Variants in DCUN1D5 observed in about 807,000 individuals in gnomAD.
The protein encoded by DCUN1D5 is DCN1-like protein 5.
Under a neutral mutation model 38.3 loss-of-function variants are expected in DCUN1D5, and 10 were observed. The observed-to-expected ratio is 0.26, with a 90% confidence interval of 0.16 to 0.44. The LOEUF (loss-of-function observed/expected upper bound fraction) is 0.44, where lower values mean the gene tolerates loss of function less well. Among genes scored for constraint, DCUN1D5 ranks in the 20% least tolerant of loss-of-function variants. The pLI, the probability that DCUN1D5 is intolerant of heterozygous loss-of-function variation, is 1.00. For synonymous variants in DCUN1D5, 93 were observed against 90.9 expected, an observed-to-expected ratio of 1.02 and a Z score of -0.13; for missense variants, 148 against 275.3, an observed-to-expected ratio of 0.54 and a Z score of 3.27.
In DCUN1D5 at chr11:103,064,458, GT is replaced by G. The variant is rs578114119; in HGVS notation, c.556-82del. 1.5e-3 allele frequency: 1,704 copies of G among 1,102,718 alleles called. 2 individuals carry two copies. The highest frequency in any genetic ancestry group is 1.8e-3 in the Non-Finnish European group (1,486 of 805,938). 68.3% of individuals were successfully genotyped at this position (1,102,718 alleles called of 1,614,324 possible). A position where few individuals can be genotyped will look rare whatever the true frequency, so the allele number is the denominator to read the frequency against. On this transcript the variant is annotated intron_variant, in intron 6 of 7. Transcript: ENST00000260247. This position sits in a 1 kb window ranked among gnomAD's most constrained non-coding sequence, Gnocchi z 4.5. The stretch of plus-strand genomic sequence containing the variant: ...CAATTTAGTAAACTAAGTTTTAACT[GT>G]TTTTGTGATTTGGTTTTTTCTAAAA...
rs1378386841 is a variant in DCUN1D5, at chr11:103,065,530, AG to A, written c.555+738del. 7.2e-5 allele frequency among the ~76,000 whole-genome samples: 11 copies of A among 152,198 alleles called. No homozygotes were observed. ...GCAGCTATAAGCAATGTGCTTTATG[AG>A]AAATTATTTCCAAAGGAAAAAGCAT... is the stretch of plus-strand genomic sequence containing the variant. On this transcript the variant is annotated intron_variant, in intron 6 of 7. Transcript: ENST00000260247. This position sits in a 1 kb window ranked among gnomAD's most constrained non-coding sequence, Gnocchi z 4.6.
In DCUN1D5 at chr11:103,082,625, T is replaced by C. The variant is rs1255915768; in HGVS notation, c.341+123A>G. 4 of 676,288 alleles carry C rather than the reference T, an allele frequency of 5.9e-6. No individual in the cohort carries two copies. The South Asian group carries it at 5.9e-5, about 10-fold the overall frequency. The allele number at this position is 676,288 out of a possible 1,614,324, so 41.9% of individuals were successfully genotyped here. On this transcript the variant is annotated intron_variant, in intron 4 of 7. Coordinates refer to ENST00000260247, the MANE Select transcript of DCUN1D5 (RefSeq NM_032299.4). ...ATAATTTTTTCAATCCCCAAACTAA[T>C]TGTTATAGATCAAACAGATTTGATT...
rs568295924 is a variant in DCUN1D5, at chr11:103,077,547, G to A, written c.341+5201C>T. Among the ~76,000 whole-genome samples, 21 of 152,332 alleles carry A rather than the reference G, an allele frequency of 1.4e-4. No individual in the cohort carries two copies. Among genetic ancestry groups the A allele is most frequent in the South Asian group, 6.2e-4 (3 of 4,822 alleles). On this transcript the variant is annotated intron_variant, in intron 4 of 7. Transcript: ENST00000260247. The surrounding 1 kb of genome is among the most constrained non-coding windows in gnomAD (Gnocchi z 4.3). ...AAGGCCACTGTAGTTAGAAAGAGAA[G>A]AAATGGGTATTAATTTCAACGTTAG...
In DCUN1D5 at chr11:103,055,001, C is replaced by T. The variant is rs546418310; in HGVS notation, c.*7358G>A. 6.6e-6 allele frequency: 1 copy of T among 151,916 alleles called. No individual in the cohort carries two copies. The highest frequency in any genetic ancestry group is 2.1e-4 in the South Asian group (1 of 4,804). The allele number at this position is 151,916 out of a possible 1,614,324, so 9.4% of individuals were successfully genotyped here. On this transcript the variant is annotated 3_prime_UTR_variant, in exon 8 of 8. Coordinates refer to ENST00000260247, the MANE Select transcript of DCUN1D5 (RefSeq NM_032299.4). Reference sequence around the variant, plus strand: ...TTGGGACCGGAAGTGTTTTAGATTTCTTTTTTTTGATCTTTGAATATTTGC... The same window carrying T: ...TTGGGACCGGAAGTGTTTTAGATTTTTTTTTTTTGATCTTTGAATATTTGC...
chr11:103,080,747 A>C (rs1862539012), intron 4 of DCUN1D5, among the ~76,000 whole-genome samples: 1 of 152,192 alleles, frequency 6.6e-6, no homozygotes, highest in Admixed American at 6.5e-5. Flanking sequence ...TGTGGCTCAC[A>C]CCTGCAATCC....
intron 4 of DCUN1D5, among the ~76,000 whole-genome samples, chr11:103,070,753 G>A (rs1230614038): frequency 1.3e-5 from 2 of 151,982 alleles, no homozygotes; most frequent in African/African-American, 2.4e-5. Context: ...TACTCCATTC[G>A]AAGACAACAG....
rs1055970676 is a variant in DCUN1D5, at chr11:103,057,698, T to A, written c.*4661A>T. On this transcript the variant is annotated 3_prime_UTR_variant, in exon 8 of 8. Coordinates refer to ENST00000260247, the MANE Select transcript of DCUN1D5 (RefSeq NM_032299.4). This position sits in a 1 kb window ranked among gnomAD's most constrained non-coding sequence, Gnocchi z 4.8. ...CCGCACCACTGCACTCCATCCTGGG[T>A]GACAGAGTAAGACCCTGTCTCCAAA... Among the ~76,000 whole-genome samples, 3 of 151,612 alleles carry A rather than the reference T, an allele frequency of 2.0e-5. No homozygotes were observed. Among genetic ancestry groups the A allele is most frequent in the African/African-American group, 7.3e-5 (3 of 41,210 alleles).
In DCUN1D5 at chr11:103,083,389, T is replaced by C; in HGVS notation, c.179-63A>G. On this transcript the variant is annotated intron_variant, in intron 2 of 7. Transcript: ENST00000260247. This position sits in a 1 kb window ranked among gnomAD's most constrained non-coding sequence, Gnocchi z 4.4. ...TATCAACATAAAACATAAATCGTCA[T>C]GCTAAAGGTACCCATGAACACACCA... 2 of 933,404 alleles carry C rather than the reference T, an allele frequency of 2.1e-6. No homozygotes were observed. Among genetic ancestry groups the C allele is most frequent in the Non-Finnish European group, 3.5e-6 (2 of 578,048 alleles). 57.8% of individuals were successfully genotyped at this position (933,404 alleles called of 1,614,324 possible).
rs751133556 is a variant in DCUN1D5, at chr11:103,086,125, T to C, written c.179-2799A>G. 2.0e-5 allele frequency among the ~76,000 whole-genome samples: 3 copies of C among 152,082 alleles called. No individual in the cohort carries two copies. Among genetic ancestry groups the C allele is most frequent in the Non-Finnish European group, 4.4e-5 (3 of 68,012 alleles). ...ATTTCTTTATAACCATAAAGGAATG[T>C]TCCTAGCTATATCTGCAAGGCCTAA... is the stretch of plus-strand genomic sequence containing the variant. On this transcript the variant is annotated intron_variant, in intron 2 of 7. Transcript: ENST00000260247. The surrounding 1 kb of genome is among the most constrained non-coding windows in gnomAD (Gnocchi z 4.1).
intron 4 of DCUN1D5, among the ~76,000 whole-genome samples, chr11:103,069,934 A>T (rs1021147726): frequency 3.9e-5 from 6 of 152,202 alleles, no homozygotes; most frequent in Non-Finnish European, 7.3e-5. Flanking sequence ...GTTTCAATTT[A>T]AAAAATCACT....
At position 103,052,841 on chromosome 11, in the gene DCUN1D5, A is replaced by C. The variant is rs1861777741; in HGVS notation, c.*9518T>G. The C allele has an allele frequency of 6.6e-6, 1 of 152,130 alleles. No homozygotes were observed. The highest frequency in any genetic ancestry group is 1.5e-5 in the Non-Finnish European group (1 of 68,012). 9.4% of individuals were successfully genotyped at this position (152,130 alleles called of 1,614,324 possible). A position where few individuals can be genotyped will look rare whatever the true frequency, so the allele number is the denominator to read the frequency against. ...TCCTAAATAGAAATTCAGTTTTCTC[A>C]CTCTATTACTTTGTTCACATGTTTG... On this transcript the variant is annotated 3_prime_UTR_variant, in exon 8 of 8. Coordinates refer to ENST00000260247, the MANE Select transcript of DCUN1D5 (RefSeq NM_032299.4).
intron 2 of DCUN1D5, among the ~76,000 whole-genome samples, chr11:103,085,473 G>GC (rs1029851572): frequency 7.9e-5 from 12 of 151,966 alleles, no homozygotes; most frequent in African/African-American, 2.7e-4. Flanking sequence ...TATCAGTATA[G>GC]CCCCCCTAGA....
At position 103,060,326 on chromosome 11, in the gene DCUN1D5, TTTGGATAAGTA is replaced by T. The variant is rs1861982491; in HGVS notation, c.*2022_*2032del. Among the ~76,000 whole-genome samples the T allele has an allele frequency of 1.3e-5, 2 of 152,178 alleles. No homozygotes were observed. The highest frequency in any genetic ancestry group is 2.9e-5 in the Non-Finnish European group (2 of 68,016). On this transcript the variant is annotated 3_prime_UTR_variant, in exon 8 of 8. Transcript: ENST00000260247. ...AGACTCAAAAAGTCTTAAAGGTATCTTTGGATAAGTATGCAAAGTAAATACTGTTGACCCTT... is the reference window on the plus strand; with the variant it reads ...AGACTCAAAAAGTCTTAAAGGTATCTTGCAAAGTAAATACTGTTGACCCTT...
In DCUN1D5 at chr11:103,086,572, C is replaced by T. The variant is rs1862713426; in HGVS notation, c.178+2655G>A. 6.6e-6 allele frequency among the ~76,000 whole-genome samples: 1 copy of T among 152,120 alleles called. No homozygotes were observed. Among genetic ancestry groups the T allele is most frequent in the Admixed American group, 6.5e-5 (1 of 15,282 alleles). Reference sequence around the variant, plus strand: ...CTTTCTTCTCTATTCCTGAACCTCACCATATTTATTATCCTTATAACTCCC... The same window carrying T: ...CTTTCTTCTCTATTCCTGAACCTCATCATATTTATTATCCTTATAACTCCC... On this transcript the variant is annotated intron_variant, in intron 2 of 7. Coordinates refer to ENST00000260247, the MANE Select transcript of DCUN1D5 (RefSeq NM_032299.4). The surrounding 1 kb of genome is among the most constrained non-coding windows in gnomAD (Gnocchi z 4.1).
In DCUN1D5 at chr11:103,078,414, AT is replaced by A. The variant is rs1470149446; in HGVS notation, c.341+4333del. Among the ~76,000 whole-genome samples the A allele has an allele frequency of 6.6e-6, 1 of 152,198 alleles. No homozygotes were observed. Among genetic ancestry groups the A allele is most frequent in the Non-Finnish European group, 1.5e-5 (1 of 68,034 alleles). ...CCATAACCTCCTGAGAGCACATCAA[AT>A]TTTTGTGTCTAGCAGTACATGTGCC... is the stretch of plus-strand genomic sequence containing the variant. On this transcript the variant is annotated intron_variant, in intron 4 of 7. Coordinates refer to ENST00000260247, the MANE Select transcript of DCUN1D5 (RefSeq NM_032299.4). The surrounding 1 kb of genome is among the most constrained non-coding windows in gnomAD (Gnocchi z 4.6).
rs548985842 is a variant in DCUN1D5 at position 103,091,466 on chromosome 11, C to T, written c.86+321G>A. On this transcript the variant is annotated intron_variant, in intron 1 of 7. Coordinates refer to ENST00000260247, the MANE Select transcript of DCUN1D5 (RefSeq NM_032299.4). The surrounding 1 kb of genome is among the most constrained non-coding windows in gnomAD (Gnocchi z 4.3). Reference sequence around the variant, plus strand: ...GAGGAGCGATACGGGAGTAGGGGATCGAGGGTCGGTTGTGGGGTGGGGGTG... The same window carrying T: ...GAGGAGCGATACGGGAGTAGGGGATTGAGGGTCGGTTGTGGGGTGGGGGTG... 6 of 241,576 alleles carry T rather than the reference C, an allele frequency of 2.5e-5. No individual in the cohort carries two copies. The East Asian group carries it at 5.9e-4, about 24-fold the overall frequency. The allele number at this position is 241,576 out of a possible 1,614,324, so 15.0% of individuals were successfully genotyped here. A position where few individuals can be genotyped will look rare whatever the true frequency, so the allele number is the denominator to read the frequency against.
chr11:103,071,903 A>T lies in DCUN1D5; in HGVS notation c.342-5336T>A, dbSNP rs1243296135. On this transcript the variant is annotated intron_variant, in intron 4 of 7. Transcript: ENST00000260247. The surrounding 1 kb of genome is among the most constrained non-coding windows in gnomAD (Gnocchi z 4.1). Reference sequence around the variant, plus strand: ...AAGATTAAGAAAATTTAAAATATTTAAAAAAAGAAAAATTTATTTAATAAA... The same window carrying T: ...AAGATTAAGAAAATTTAAAATATTTTAAAAAAGAAAAATTTATTTAATAAA... 2.6e-5 allele frequency among the ~76,000 whole-genome samples: 4 copies of T among 151,372 alleles called. No individual in the cohort carries two copies. The highest frequency in any genetic ancestry group is 4.4e-5 in the Non-Finnish European group (3 of 67,768).
At position 103,061,392 on chromosome 11, in the gene DCUN1D5, C is replaced by G. The variant is rs892421248; in HGVS notation, c.*967G>C. On this transcript the variant is annotated 3_prime_UTR_variant, in exon 8 of 8. Transcript: ENST00000260247. ...GTGCCTTTTACATGAATTAGGAAAGCCTTCCCTTTCCTCAAGACACTTGAT... is the reference window on the plus strand; with the variant it reads ...GTGCCTTTTACATGAATTAGGAAAGGCTTCCCTTTCCTCAAGACACTTGAT... Among the ~76,000 whole-genome samples, 2 of 152,028 alleles carry G rather than the reference C, an allele frequency of 1.3e-5. No individual in the cohort carries two copies. Among genetic ancestry groups the G allele is most frequent in the South Asian group, 2.1e-4 (1 of 4,826 alleles).
Sources: gnomAD v4.1 joint callset for allele counts (sites outside exome capture counted in the v4.1 genomes callset) on GRCh38, gnomAD v4.1.1 for gene constraint, Gnocchi (gnomAD v3.1) non-coding constraint, MANE v1.5 for transcripts, NCBI Gene and HGNC (gene_info 2026-07-23, HGNC 2026-07-21) for gene names.